The following AUTS2 variants were observed in gnomAD, a reference collection of about 807,000 sequenced individuals.
AUTS2 encodes activator of transcription and developmental regulator AUTS2, also known as autism susceptibility gene 2 protein.
AUTS2 carries 17 observed loss-of-function variants against 112.4 expected under a neutral mutation model. The ratio of observed to expected loss-of-function variants is 0.15; its 90% CI spans 0.10 to 0.23. The LOEUF is 0.23. Ranked by LOEUF, AUTS2 falls within the 10% of genes least tolerant of loss-of-function variation. AUTS2 has a pLI of 1.00. For synonymous variants in AUTS2, 751 were observed against 702.7 expected (o/e 1.07, Z -1.09); for missense variants, 1,510 against 1,701.6 (o/e 0.89, Z 1.98).
At chr7:70,134,489 A>G (rs1482070483) in intron 3 of AUTS2, 47 bp from the exon 4 acceptor site, 3 of 1,586,752 alleles carry the variant, frequency 1.9e-6, no homozygotes, top group African/African-American at 2.7e-5. Flanking sequence ...GGAACGTGTT[A>G]AAAACCATTG....
In AUTS2 at chr7:69,741,809, CT is replaced by C. The variant is rs768610985; in HGVS notation, c.309+141859del. Among the ~76,000 whole-genome samples, 739 of 144,306 alleles carry C rather than the reference CT, an allele frequency of 5.1e-3. 5 individuals carry two copies. The highest frequency in any genetic ancestry group is 0.012 in the African/African-American group (459 of 39,754). 94.7% of individuals were successfully genotyped at this position (144,306 alleles called of 152,430 possible). Reference sequence around the variant, plus strand: ...AACCTAAATCCAGTATTTGTTTTGCCTTTTTTTTTTTTGAGACAGGGCCTCC... The same window carrying C: ...AACCTAAATCCAGTATTTGTTTTGCCTTTTTTTTTTTGAGACAGGGCCTCC... On this transcript the variant is annotated intron_variant, in intron 1 of 18. Coordinates refer to ENST00000342771, the MANE Select transcript of AUTS2 (RefSeq NM_015570.4).
intron 5 of AUTS2, among the ~76,000 whole-genome samples, chr7:70,542,184 AGACTTGTTCTTAT>A (rs1174680951): frequency 6.6e-6 from 1 of 152,214 alleles, no homozygotes; most frequent in Non-Finnish European, 1.5e-5. Context: ...TAAAAAAAAA[AGACTTGTTCTTAT>A]GACTTGTTCT....
chr7:70,131,759 T>C (rs1265688791), intron 3 of AUTS2, among the ~76,000 whole-genome samples: 6 of 152,108 alleles, frequency 3.9e-5, no homozygotes, highest in African/African-American at 1.4e-4. Context: ...CTGGGCCTTT[T>C]GGATGCGAGA....
intron 1 of AUTS2, among the ~76,000 whole-genome samples, chr7:69,895,542 T>C (rs28602646): frequency 3.5e-4 from 42 of 119,624 alleles, no homozygotes; most frequent in African/African-American, 1.3e-3. Context: ...CTCTCTCTTC[T>C]TCCCCCCCCC....
chr7:69,926,429 A>ATCTGTCTG (rs202099756), intron 2 of AUTS2, among the ~76,000 whole-genome samples: 141 of 139,532 alleles, frequency 1.0e-3, no homozygotes, highest in African/African-American at 3.5e-3. Flanking sequence ...TCTGAAATCT[A>ATCTGTCTG]TCTGTCTGTC....
intron 1 of AUTS2, among the ~76,000 whole-genome samples, chr7:69,869,703 G>T (rs1005873331): frequency 6.6e-6 from 1 of 152,110 alleles, no homozygotes; most frequent in Non-Finnish European, 1.5e-5. Context: ...ATGGGGTAAG[G>T]AGGCTAAAAG....
intron 4 of AUTS2, among the ~76,000 whole-genome samples, chr7:70,400,670 A>C (rs1444204053): frequency 6.6e-6 from 1 of 152,140 alleles, no homozygotes; most frequent in Non-Finnish European, 1.5e-5. Flanking sequence ...CTTATATAGG[A>C]GGTTGGTAAG....
chr7:70,109,661 A>T (rs948764905), intron 2 of AUTS2, among the ~76,000 whole-genome samples: 4 of 152,220 alleles, frequency 2.6e-5, no homozygotes, highest in Non-Finnish European at 5.9e-5. Context: ...TATCATGCAG[A>T]TAAAGCCTCC....
chr7:70,734,116 G>C (rs1245785794), intron 6 of AUTS2, among the ~76,000 whole-genome samples: 4 of 151,854 alleles, frequency 2.6e-5, no homozygotes, highest in African/African-American at 9.7e-5. Context: ...CATGCGCCAG[G>C]CTTCACGTTG....
At chr7:70,073,045 C>CCCTCT (rs1802856545) in intron 2 of AUTS2, among the ~76,000 whole-genome samples, 1 of 133,894 alleles carries the variant, frequency 7.5e-6, no homozygotes, top group South Asian at 3.0e-4. Flanking sequence ...CCTTCCCCTC[C>CCCTCT]CCTCTCCTCC....
At chr7:70,124,242 T>C (rs1371633849) in intron 3 of AUTS2, among the ~76,000 whole-genome samples, 1 of 152,212 alleles carries the variant, frequency 6.6e-6, no homozygotes, top group Non-Finnish European at 1.5e-5. Flanking sequence ...TCCTTATAGA[T>C]GCTCGATATT....
intron 5 of AUTS2, among the ~76,000 whole-genome samples, chr7:70,500,725 A>T (rs3113278): frequency 0.019 from 2,745 of 145,406 alleles, 93 homozygotes; most frequent in African/African-American, 0.065. Flanking sequence ...CAAATTGATA[A>T]TTTTTTTTTT....
intron 6 of AUTS2, among the ~76,000 whole-genome samples, chr7:70,733,415 G>T (rs933997451): frequency 6.6e-6 from 1 of 152,130 alleles, no homozygotes; most frequent in Admixed American, 6.5e-5. Context: ...GATGCCAATT[G>T]TCTAGATTAT....
In AUTS2 at chr7:70,708,201, A is replaced by T. The variant is rs536210231; in HGVS notation, c.742+9581A>T. On this transcript the variant is annotated intron_variant, in intron 6 of 18. Transcript: ENST00000342771. Reference sequence around the variant, plus strand: ...TTAGCCAAGATTACATCATTTTCTCATTCTCTGTTCATAGCTGGGAAAGGT... The same window carrying T: ...TTAGCCAAGATTACATCATTTTCTCTTTCTCTGTTCATAGCTGGGAAAGGT... Among the ~76,000 whole-genome samples, 23 of 152,278 alleles carry T rather than the reference A, an allele frequency of 1.5e-4. 1 individual carries two copies. The South Asian group carries it at 4.8e-3, about 32-fold the overall frequency.
intron 2 of AUTS2, among the ~76,000 whole-genome samples, chr7:70,100,451 T>C (rs889687868): frequency 6.6e-5 from 10 of 151,972 alleles, no homozygotes; most frequent in African/African-American, 1.9e-4. Flanking sequence ...TTAAATACTT[T>C]AAGTTCTAGA....
intron 4 of AUTS2, among the ~76,000 whole-genome samples, chr7:70,193,415 G>A (rs1211024815): frequency 1.3e-5 from 2 of 152,186 alleles, no homozygotes; most frequent in Non-Finnish European, 2.9e-5. Flanking sequence ...ATCTTGCTCT[G>A]TGCCAAGCAC....
chr7:70,536,469 G>A lies in AUTS2; in HGVS notation c.690+100688G>A, dbSNP rs963035145. ...ATGGCCTTTCTCATTGGTCCTCACC[G>A]TGAATATGCAGAGTAGGCACACCTC... On this transcript the variant is annotated intron_variant, in intron 5 of 18. Transcript: ENST00000342771. Among the ~76,000 whole-genome samples, 7 of 150,566 alleles carry A rather than the reference G, an allele frequency of 4.6e-5. No individual in the cohort carries two copies. In the East Asian group the frequency reaches 5.9e-4, roughly 13 times the overall value.
intron 1 of AUTS2, among the ~76,000 whole-genome samples, chr7:69,746,730 T>TAGG (rs1787512420): frequency 6.6e-6 from 1 of 152,098 alleles, no homozygotes; most frequent in Non-Finnish European, 1.5e-5. Flanking sequence ...ACAGGTCATA[T>TAGG]AGGACCTTGT....
At chr7:70,071,594 C>CT (rs1259917341) in intron 2 of AUTS2, among the ~76,000 whole-genome samples, 1 of 152,120 alleles carries the variant, frequency 6.6e-6, no homozygotes, top group Non-Finnish European at 1.5e-5. Flanking sequence ...TGTCAGTGTG[C>CT]TTTTTTTCAT....
Sources: gnomAD v4.1 joint callset for allele counts (sites outside exome capture counted in the v4.1 genomes callset) on GRCh38, gnomAD v4.1.1 for gene constraint, MANE v1.5 for transcripts, NCBI Gene and HGNC (gene_info 2026-07-23, HGNC 2026-07-21) for gene names.